Variants in SRGAP1 observed in about 807,000 individuals in gnomAD.
SRGAP1 encodes SLIT-ROBO Rho GTPase-activating protein 1.
SRGAP1 carries 43 observed loss-of-function variants against 121.9 expected under a neutral mutation model. That is an observed-to-expected ratio of 0.35 (90% CI 0.28 to 0.46). SRGAP1 has a LOEUF of 0.46. Among genes scored for constraint, SRGAP1 ranks in the 20% least tolerant of loss-of-function variants. The pLI, the probability that SRGAP1 is intolerant of heterozygous loss-of-function variation, is 1.00. For synonymous variants in SRGAP1, 447 were observed against 485.4 expected (o/e 0.92, Z 1.04); for missense variants, 1,102 against 1,350.9 (o/e 0.82, Z 2.89).
chr12:63,910,133 C>G (rs2030425032), intron 1 of SRGAP1, among the ~76,000 whole-genome samples: 1 of 152,144 alleles, frequency 6.6e-6, no homozygotes, highest in African/African-American at 2.4e-5. Flanking sequence ...CTCTTTACTC[C>G]AGGGGATCAA....
At chr12:63,939,702 A>G (rs748293510) in intron 1 of SRGAP1, among the ~76,000 whole-genome samples, 6 of 152,208 alleles carry the variant, frequency 3.9e-5, no homozygotes, top group Non-Finnish European at 7.3e-5. Context: ...TCTCAGGAGA[A>G]GAAGAATTAT....
chr12:64,138,183 T>C (rs2036890139), intron 21 of SRGAP1, among the ~76,000 whole-genome samples: 1 of 151,828 alleles, frequency 6.6e-6, no homozygotes, highest in Admixed American at 6.6e-5. Context: ...ATTGGACTCC[T>C]TTAGTTACTG....
chr12:63,918,982 T>G (rs2030916287), intron 1 of SRGAP1, among the ~76,000 whole-genome samples: 1 of 147,000 alleles, frequency 6.8e-6, no homozygotes, highest in South Asian at 2.2e-4. Flanking sequence ...ACAAATGAAG[T>G]TCAGAGAAGA....
chr12:63,903,500 C>T (rs1485056731), intron 1 of SRGAP1, among the ~76,000 whole-genome samples: 2 of 152,020 alleles, frequency 1.3e-5, no homozygotes, highest in Non-Finnish European at 2.9e-5. Context: ...CCTGACTCAG[C>T]CTCCCAAAGT....
intron 4 of SRGAP1, among the ~76,000 whole-genome samples, chr12:64,033,238 A>T (rs187952065): frequency 6.6e-6 from 1 of 152,256 alleles, no homozygotes; most frequent in East Asian, 1.9e-4. Flanking sequence ...GCAGAGTCCC[A>T]GACAGTGTCT....
intron 1 of SRGAP1, among the ~76,000 whole-genome samples, chr12:63,969,901 G>GGT (rs2032895280): frequency 6.6e-6 from 1 of 151,758 alleles, no homozygotes. Context: ...TATGTGATTT[G>GGT]GTGACTTCCT....
chr12:63,920,948 C>G (rs2031017082), intron 1 of SRGAP1, among the ~76,000 whole-genome samples: 1 of 152,164 alleles, frequency 6.6e-6, no homozygotes, highest in Non-Finnish European at 1.5e-5. Context: ...ACCTACTTGA[C>G]ATGTCATCTG....
chr12:64,001,080 G>T (rs974653201), intron 3 of SRGAP1, among the ~76,000 whole-genome samples: 3 of 151,916 alleles, frequency 2.0e-5, no homozygotes, highest in Non-Finnish European at 4.4e-5. Context: ...ACACAAACAC[G>T]TAGTACTTTC....
chr12:64,114,338 T>G (rs1367937380), intron 17 of SRGAP1, among the ~76,000 whole-genome samples: 4 of 142,420 alleles, frequency 2.8e-5, no homozygotes, highest in Admixed American at 1.4e-4. Context: ...TAGCTTTTTT[T>G]TTTTTTTTTT....
At chr12:63,988,490 T>C (rs12305930) in intron 2 of SRGAP1, among the ~76,000 whole-genome samples, 2,574 of 152,284 alleles carry the variant, frequency 0.017, 83 homozygotes, top group African/African-American at 0.058. Flanking sequence ...GCTGCCCTCA[T>C]GGGTGCCAAG....
intron 4 of SRGAP1, among the ~76,000 whole-genome samples, chr12:64,020,471 A>C (rs535035006): frequency 6.6e-6 from 1 of 152,266 alleles, no homozygotes; most frequent in South Asian, 2.1e-4. Context: ...GGAAAAAAAA[A>C]GAAAAAGGCC....
chr12:64,114,260 C>A (rs994687275), intron 17 of SRGAP1, among the ~76,000 whole-genome samples: 7 of 151,780 alleles, frequency 4.6e-5, no homozygotes, highest in Non-Finnish European at 8.8e-5. Context: ...TGCAACTCAA[C>A]CCTGCTGAGA....
chr12:63,873,593 A>G (rs569612874), intron 1 of SRGAP1, among the ~76,000 whole-genome samples: 9 of 152,020 alleles, frequency 5.9e-5, no homozygotes, highest in East Asian at 1.9e-4. Flanking sequence ...TTTACCAGAG[A>G]TGACATAACT....
At chr12:63,849,066 ATGAAT>A (rs1390094015) in intron 1 of SRGAP1, among the ~76,000 whole-genome samples, 1 of 152,238 alleles carries the variant, frequency 6.6e-6, no homozygotes, top group Non-Finnish European at 1.5e-5. Flanking sequence ...GTTTTAAAGA[ATGAAT>A]TGAACATTTC....
intron 1 of SRGAP1, among the ~76,000 whole-genome samples, chr12:63,895,712 C>T (rs1282473108): frequency 2.0e-5 from 3 of 152,148 alleles, no homozygotes; most frequent in African/African-American, 4.8e-5. Context: ...CTACAATGTC[C>T]GTAAAATGCT....
At chr12:63,893,088 G>T (rs1014844585) in intron 1 of SRGAP1, among the ~76,000 whole-genome samples, 1 of 152,182 alleles carries the variant, frequency 6.6e-6, no homozygotes, top group African/African-American at 2.4e-5. Flanking sequence ...ATTGCTACAT[G>T]AATCCAATCT....
At chr12:63,874,208 ACT>A (rs751982019) in intron 1 of SRGAP1, among the ~76,000 whole-genome samples, 5 of 150,954 alleles carry the variant, frequency 3.3e-5, no homozygotes, top group African/African-American at 9.7e-5. Flanking sequence ...AGAAAGTATG[ACT>A]CTTTTTTTTT....
chr12:63,861,304 T>TATA (rs201402664), intron 1 of SRGAP1, among the ~76,000 whole-genome samples: 272 of 105,776 alleles, frequency 2.6e-3, no homozygotes, highest in African/African-American at 0.01. Flanking sequence ...ATATATATAT[T>TATA]TTTTTTTTTT....
chr12:64,051,364 T>G (rs1325804189), intron 6 of SRGAP1, among the ~76,000 whole-genome samples: 1 of 152,222 alleles, frequency 6.6e-6, no homozygotes, highest in African/African-American at 2.4e-5. Flanking sequence ...ATGGATATTT[T>G]AAAACCTCTC....
Sources: gnomAD v4.1 joint callset for allele counts (sites outside exome capture counted in the v4.1 genomes callset) on GRCh38, gnomAD v4.1.1 for gene constraint, MANE v1.5 for transcripts, NCBI Gene and HGNC (gene_info 2026-07-23, HGNC 2026-07-21) for gene names.